The following PLA2G6 variants were observed in gnomAD, a reference collection of about 807,000 sequenced individuals.
The protein encoded by PLA2G6 is phospholipase A2 group VI, also known as 85/88 kDa calcium-independent phospholipase A2.
PLA2G6 carries 62 observed loss-of-function variants against 83.8 expected under a neutral mutation model. The ratio of observed to expected loss-of-function variants is 0.74; its 90% CI spans 0.60 to 0.91. PLA2G6 has a LOEUF of 0.91. PLA2G6 is among the 40% of genes least tolerant of loss of function. The pLI, the probability that PLA2G6 is intolerant of heterozygous loss-of-function variation, is 0.00. For synonymous variants in PLA2G6, 417 were observed against 449.8 expected, an observed-to-expected ratio of 0.93 and a Z score of 0.92; for missense variants, 944 against 1,102.0, an observed-to-expected ratio of 0.86 and a Z score of 2.03.
Position 38,135,092 on chromosome 22 carries a change from G to C in PLA2G6, c.798-8C>G. On this transcript the variant is annotated splice_region_variant and splice_polypyrimidine_tract_variant and intron_variant, in intron 5 of 16. Transcript: ENST00000332509. The stretch of plus-strand genomic sequence containing the variant: ...ATGATCATCTCCGCACACCTGGTGA[G>C]AGAGGGGCCCCGGTTGGTGAGCAGA... 6.2e-7 allele frequency: 1 copy of C among 1,611,172 alleles called. No homozygotes were observed. Among genetic ancestry groups the C allele is most frequent in the Non-Finnish European group, 8.5e-7 (1 of 1,177,598 alleles).
chr22:38,167,161 G>A (rs1042859737), intron 2 of PLA2G6, among the ~76,000 whole-genome samples: 2 of 149,484 alleles, frequency 1.3e-5, no homozygotes, highest in Non-Finnish European at 3.0e-5. Context: ...CTGGGAGGCG[G>A]AGCTTGCAGT....
At chr22:38,148,707 C>T in intron 2 of PLA2G6, 1 of 599,138 alleles carries the variant, frequency 1.7e-6, no homozygotes, top group Non-Finnish European at 3.0e-6. Context: ...TAAGGGTGAG[C>T]CATACACAGA....
intron 2 of PLA2G6, among the ~76,000 whole-genome samples, chr22:38,158,912 C>T (rs1476536080): frequency 2.6e-5 from 4 of 152,234 alleles, no homozygotes; most frequent in South Asian, 2.1e-4. Context: ...ATTTAAAAAG[C>T]GGCTTGCCAG....
At chr22:38,112,603 G>T (rs928536988) in intron 15 of PLA2G6, 26 bp from the exon 16 acceptor site, 2 of 1,541,782 alleles carry the variant, frequency 1.3e-6, no homozygotes, top group Admixed American at 2.0e-5. Flanking sequence ...CTTGGTGAGT[G>T]CCGGGCCCAC....
intron 2 of PLA2G6, among the ~76,000 whole-genome samples, chr22:38,167,640 G>A (rs1222523698): frequency 6.6e-6 from 1 of 152,194 alleles, no homozygotes; most frequent in Non-Finnish European, 1.5e-5. Flanking sequence ...ATCTGGAATG[G>A]CCCCACTGTA....
At chr22:38,157,287 A>ATC (rs1388810668) in intron 2 of PLA2G6, among the ~76,000 whole-genome samples, 3 of 152,206 alleles carry the variant, frequency 2.0e-5, no homozygotes, top group Non-Finnish European at 4.4e-5. Context: ...TACAACCAAT[A>ATC]TCACAGAAAC....
Position 38,128,138 on chromosome 22 carries a change from C to G in PLA2G6, c.1348+131G>C, listed in dbSNP as rs1475103954. 3 of 970,676 alleles carry G rather than the reference C, an allele frequency of 3.1e-6. No homozygotes were observed. Among genetic ancestry groups the G allele is most frequent in the Non-Finnish European group, 3.2e-6 (2 of 624,000 alleles). 60.1% of individuals were successfully genotyped at this position (970,676 alleles called of 1,614,324 possible). A position where few individuals can be genotyped will look rare whatever the true frequency, so the allele number is the denominator to read the frequency against. ...TTGCTGGCTGCCTAGAGGCTGACAA[C>G]TCCGGCCCCATCCTCCCCGGCTTCC... is the stretch of plus-strand genomic sequence containing the variant. On this transcript the variant is annotated intron_variant, in intron 9 of 16. Transcript: ENST00000332509. This position sits in a 1 kb window ranked among gnomAD's most constrained non-coding sequence, Gnocchi z 4.4.
intron 2 of PLA2G6, among the ~76,000 whole-genome samples, chr22:38,167,238 A>AG (rs1176862391): frequency 2.0e-5 from 3 of 151,670 alleles, no homozygotes; most frequent in East Asian, 1.9e-4. Flanking sequence ...AAAAAAAAAA[A>AG]AAAAAGAAAA....
intron 7 of PLA2G6, chr22:38,130,471 C>T (rs550661759): frequency 6.6e-6 from 1 of 152,158 alleles, no homozygotes; most frequent in East Asian, 2.0e-4. Context: ...GTGCCCACCA[C>T]TACGCCCAGC....
Position 38,139,715 on chromosome 22 carries a change from G to A in PLA2G6, c.797+267C>T, listed in dbSNP as rs1282657098. ...CTCCCAAAGTGTTGGGATTACAGGC[G>A]TGAGACACCGCGCCCAGCCAGAAAA... On this transcript the variant is annotated intron_variant, in intron 5 of 16. Transcript: ENST00000332509. 6.5e-5 allele frequency: 28 copies of A among 428,104 alleles called. No homozygotes were observed. The East Asian group carries it at 8.9e-4, about 14-fold the overall frequency. The allele number at this position is 428,104 out of a possible 1,614,324, so 26.5% of individuals were successfully genotyped here. A position where few individuals can be genotyped will look rare whatever the true frequency, so the allele number is the denominator to read the frequency against.
chr22:38,119,916 C>A (rs1262011624), intron 12 of PLA2G6, among the ~76,000 whole-genome samples: 2 of 151,688 alleles, frequency 1.3e-5, no homozygotes, highest in South Asian at 2.1e-4. Flanking sequence ...AAACCAAAAC[C>A]AAAACAAAAA....
intron 5 of PLA2G6, chr22:38,137,461 C>T (rs985045563): frequency 6.6e-6 from 1 of 152,264 alleles, no homozygotes; most frequent in Admixed American, 6.5e-5. Context: ...TATCTGTTTC[C>T]CTTCCTCAGC....
chr22:38,166,652 C>T (rs1002639568), intron 2 of PLA2G6, among the ~76,000 whole-genome samples: 1 of 151,970 alleles, frequency 6.6e-6, no homozygotes, highest in African/African-American at 2.4e-5. Flanking sequence ...TAGCTTGAAC[C>T]CAGGAGGCAG....
chr22:38,116,461 T>C (rs1242226571), intron 12 of PLA2G6: 11 of 662,686 alleles, frequency 1.7e-5, no homozygotes, highest in South Asian at 1.2e-4. Flanking sequence ...GCTAATCCAA[T>C]GGAAAAACCT....
At chr22:38,113,242 A>C (rs919535236) in intron 15 of PLA2G6, among the ~76,000 whole-genome samples, 1 of 152,096 alleles carries the variant, frequency 6.6e-6, no homozygotes, top group Non-Finnish European at 1.5e-5. Context: ...ACACTGCGCT[A>C]TGTTTGCAGA....
rs1170782243 is a variant in PLA2G6 at position 38,132,689 on chromosome 22, C to A, written c.1077+142G>T. ...GGCTTCCTGAGGGAGGAGTCAGGGT[C>A]TGAACTGAGCTTTGGGTGGGAAGAT... On this transcript the variant is annotated intron_variant, in intron 7 of 16. Coordinates refer to ENST00000332509, the MANE Select transcript of PLA2G6 (RefSeq NM_003560.4). This position sits in a 1 kb window ranked among gnomAD's most constrained non-coding sequence, Gnocchi z 5.0. The A allele has an allele frequency of 6.5e-6, 5 of 774,108 alleles. No homozygotes were observed. In the African/African-American group the frequency reaches 8.5e-5, roughly 13 times the overall value. The allele number at this position is 774,108 out of a possible 1,614,324, so 48.0% of individuals were successfully genotyped here.
chr22:38,153,635 C>CAA (rs1462467837), intron 2 of PLA2G6, among the ~76,000 whole-genome samples: 14 of 88,138 alleles, frequency 1.6e-4, no homozygotes, highest in African/African-American at 3.4e-4. Context: ...AACTCCGTCT[C>CAA]AAAAAAAAAA....
At chr22:38,170,176 C>T (rs1361194499) in intron 1 of PLA2G6, among the ~76,000 whole-genome samples, 1 of 137,462 alleles carries the variant, frequency 7.3e-6, no homozygotes, top group Admixed American at 7.9e-5. Flanking sequence ...CCAGCCTGGG[C>T]GATAGGGTGA....
rs2087145179 is a variant in PLA2G6 at position 38,115,671 on chromosome 22, C to T, written c.1890G>A (p.Val630=). 6 of 1,601,758 alleles carry T rather than the reference C, an allele frequency of 3.7e-6. No homozygotes were observed. Among genetic ancestry groups the T allele is most frequent in the South Asian group, 1.1e-5 (1 of 89,496 alleles). ...RPPAQPSDQL[V]WRAARSSGAA... ...CCCCGCTGCTTCGGGCCGCCCGCCA[C>T]ACCAGCTGGTCTAGGGGCGGGGAAG... is the stretch of plus-strand genomic sequence containing the variant. The change falls in exon 14 of 17, where the codon GTG becomes GTA. Residue 630 remains valine, a synonymous_variant. Transcript: ENST00000332509.
Sources: gnomAD v4.1 joint callset for allele counts (sites outside exome capture counted in the v4.1 genomes callset) on GRCh38, gnomAD v4.1.1 for gene constraint, Gnocchi (gnomAD v3.1) non-coding constraint, MANE v1.5 for transcripts, NCBI Gene and HGNC (gene_info 2026-07-23, HGNC 2026-07-21) for gene names.